RBFOX1: variants seen among roughly 807,000 people sequenced by gnomAD.
RBFOX1 encodes the protein RNA binding protein fox-1 homolog 1.
A neutral mutation model predicts 57.7 loss-of-function variants in RBFOX1; 8 were observed. The ratio of observed to expected loss-of-function variants is 0.14; its 90% CI spans 0.08 to 0.25. The LOEUF (loss-of-function observed/expected upper bound fraction) is 0.25, where lower values mean the gene tolerates loss of function less well. Ranked by LOEUF, RBFOX1 falls within the 10% of genes least tolerant of loss-of-function variation. The pLI, the probability that RBFOX1 is intolerant of heterozygous loss-of-function variation, is 1.00. For synonymous variants in RBFOX1, 326 were observed against 222.4 expected (o/e 1.47, Z -4.15); for missense variants, 611 against 548.5 (o/e 1.11, Z -1.14).
At chr16:6,772,110 T>C (rs1361172192) in intron 3 of RBFOX1, among the ~76,000 whole-genome samples, 1 of 152,184 alleles carries the variant, frequency 6.6e-6, no homozygotes, top group Non-Finnish European at 1.5e-5. Context: ...ACAGTCTTCC[T>C]TTCAATGCTG....
At chr16:5,679,150 C>T (rs1244551189) in intron 3 of RBFOX1, among the ~76,000 whole-genome samples, 1 of 152,126 alleles carries the variant, frequency 6.6e-6, no homozygotes, top group Non-Finnish European at 1.5e-5. Flanking sequence ...AGGCAGAGTA[C>T]CCTGGAAAGG....
At chr16:6,943,852 A>G (rs2078996760) in intron 3 of RBFOX1, among the ~76,000 whole-genome samples, 2 of 152,126 alleles carry the variant, frequency 1.3e-5, no homozygotes, top group South Asian at 4.1e-4. Flanking sequence ...TAACCATTCT[A>G]GCTTTTTCTG....
Position 5,454,891 on chromosome 16 carries a change from TTTCTTTCTTTC to T in RBFOX1, c.220-12322_220-12312del, listed in dbSNP as rs1278336715. On this transcript the variant is annotated intron_variant, in intron 1 of 2. Transcript: ENST00000585867. ...CTTTCTTTCTTTCTTTCTTTCTTTC[TTTCTTTCTTTC>T]TTTCTTTCTTTCCTTTGTTTCTTTC... Among the ~76,000 whole-genome samples, 75 of 128,350 alleles carry T rather than the reference TTTCTTTCTTTC, an allele frequency of 5.8e-4. 3 individuals are homozygous for T. The highest frequency in any genetic ancestry group is 1.6e-3 in the African/African-American group (56 of 34,126). The allele number at this position is 128,350 out of a possible 152,430, so 84.2% of individuals were successfully genotyped here.
intron 4 of RBFOX1, among the ~76,000 whole-genome samples, chr16:7,337,526 A>C (rs1212748560): frequency 6.6e-6 from 1 of 152,204 alleles, no homozygotes; most frequent in Non-Finnish European, 1.5e-5. Context: ...GTTTAAACAT[A>C]GATCTCAAGA....
At chr16:5,641,198 A>G (rs544201401) in intron 3 of RBFOX1, among the ~76,000 whole-genome samples, 66 of 152,230 alleles carry the variant, frequency 4.3e-4, no homozygotes, top group African/African-American at 1.3e-3. Context: ...AGGCACACAC[A>G]TGCACACCAT....
chr16:5,787,800 G>C (rs996770211), intron 3 of RBFOX1, among the ~76,000 whole-genome samples: 4 of 152,342 alleles, frequency 2.6e-5, no homozygotes, highest in African/African-American at 9.6e-5. Flanking sequence ...AGGTGTTCCT[G>C]TAAAGGGCAC....
chr16:6,327,559 TGAGGACTCAGATTATATTTAA>T (rs2082520986), intron 2 of RBFOX1, among the ~76,000 whole-genome samples: 1 of 152,202 alleles, frequency 6.6e-6, no homozygotes, highest in Admixed American at 6.5e-5. Context: ...TTGCCCATAA[TGAGGACTCAGATTATATTTAA>T]GAGGAACTAG....
At chr16:5,361,819 TG>T (rs1266234959) in intron 1 of RBFOX1, among the ~76,000 whole-genome samples, 1 of 152,190 alleles carries the variant, frequency 6.6e-6, no homozygotes, top group African/African-American at 2.4e-5. Flanking sequence ...GAAAAGTTAG[TG>T]GGAGACATAG....
At chr16:6,061,481 T>C (rs1442133642) in intron 1 of RBFOX1, among the ~76,000 whole-genome samples, 1 of 151,854 alleles carries the variant, frequency 6.6e-6, no homozygotes, top group African/African-American at 2.4e-5. Context: ...CTATTTTCAT[T>C]GTATAACATA....
chr16:7,513,832 C>A (rs962485540), intron 4 of RBFOX1, among the ~76,000 whole-genome samples: 6 of 152,166 alleles, frequency 3.9e-5, no homozygotes, highest in South Asian at 4.1e-4. Flanking sequence ...AGATTTAAAG[C>A]CTGTGTGCCT....
intron 4 of RBFOX1, among the ~76,000 whole-genome samples, chr16:5,887,555 A>T (rs190798462): frequency 9.2e-5 from 14 of 152,086 alleles, no homozygotes; most frequent in Admixed American, 3.9e-4. Flanking sequence ...GCACTCCCCA[A>T]TGCGCCTGGA....
At chr16:5,950,897 G>C (rs2059506533) in intron 4 of RBFOX1, among the ~76,000 whole-genome samples, 2 of 152,048 alleles carry the variant, frequency 1.3e-5, no homozygotes. Flanking sequence ...TATGGGGGAG[G>C]GGCATCCAAC....
intron 3 of RBFOX1, among the ~76,000 whole-genome samples, chr16:5,650,899 C>T (rs2049213755): frequency 1.3e-5 from 2 of 150,108 alleles, no homozygotes; most frequent in Non-Finnish European, 2.9e-5. Flanking sequence ...CTTCCTGTCT[C>T]CTCACTCTCT....
chr16:6,801,836 C>G (rs1185635316), intron 3 of RBFOX1, among the ~76,000 whole-genome samples: 3 of 152,084 alleles, frequency 2.0e-5, no homozygotes, highest in East Asian at 1.9e-4. Flanking sequence ...AGTTGTATGT[C>G]TACATGTAAG....
intron 3 of RBFOX1, among the ~76,000 whole-genome samples, chr16:5,712,688 C>T (rs1648864795): frequency 6.6e-6 from 1 of 152,210 alleles, no homozygotes; most frequent in South Asian, 2.1e-4. Flanking sequence ...TCATAAATAG[C>T]AGAGTCCAGA....
intron 2 of RBFOX1, among the ~76,000 whole-genome samples, chr16:5,484,218 C>T (rs560047664): frequency 3.9e-5 from 6 of 152,324 alleles, no homozygotes; most frequent in Admixed American, 1.3e-4. Context: ...TCAGTTAACT[C>T]AAGGCCTGAC....
chr16:7,375,398 C>T (rs1161160275), intron 4 of RBFOX1, among the ~76,000 whole-genome samples: 3 of 152,066 alleles, frequency 2.0e-5, no homozygotes, highest in Admixed American at 2.0e-4. Context: ...CCAGGAACCC[C>T]ATTATGGTGG....
chr16:7,394,234 T>TAAA (rs2098099565), intron 4 of RBFOX1, among the ~76,000 whole-genome samples: 1 of 8,808 alleles, frequency 1.1e-4, no homozygotes, highest in Non-Finnish European at 1.9e-4. Context: ...AGACTCCGCA[T>TAAA]CAAAAAAAAA....
intron 1 of RBFOX1, among the ~76,000 whole-genome samples, chr16:6,282,380 T>C (rs2076478838): frequency 6.7e-6 from 1 of 150,014 alleles, no homozygotes; most frequent in Non-Finnish European, 1.5e-5. Context: ...TTTTTTTTAA[T>C]TTTACTTTAA....
Sources: gnomAD v4.1 joint callset for allele counts (sites outside exome capture counted in the v4.1 genomes callset) on GRCh38, gnomAD v4.1.1 for gene constraint, MANE v1.5 for transcripts, NCBI Gene and HGNC (gene_info 2026-07-23, HGNC 2026-07-21) for gene names.